TMEM106B: variants seen among roughly 807,000 people sequenced by gnomAD.
The protein encoded by TMEM106B is transmembrane protein 106B.
In TMEM106B, 15 loss-of-function variants were observed where a neutral mutation model predicts 31.1. That is an observed-to-expected ratio of 0.48 (90% CI 0.32 to 0.74). TMEM106B has a LOEUF of 0.74. Among genes scored for constraint, TMEM106B ranks in the 30% least tolerant of loss-of-function variants. The pLI is 0.03. For missense variants in TMEM106B, 283 were observed against 327.3 expected (o/e 0.86, Z 1.04); for synonymous variants, 126 against 112.5 (o/e 1.12, Z -0.76).
At chr7:12,219,766 G>A (rs1042213403) in intron 3 of TMEM106B, among the ~76,000 whole-genome samples, 10 of 152,074 alleles carry the variant, frequency 6.6e-5, no homozygotes, top group African/African-American at 1.2e-4. Context: ...GAACATAAAC[G>A]GGAGGAATGA....
Position 12,231,859 on chromosome 7 carries a change from T to A in TMEM106B, c.709T>A (p.Phe237Ile), listed in dbSNP as rs1243702180. 1.2e-6 allele frequency: 2 copies of A among 1,602,828 alleles called. No individual in the cohort carries two copies. The highest frequency in any genetic ancestry group is 2.2e-5 in the South Asian group (2 of 89,586). The change falls in exon 8 of 8, where the codon TTT (phenylalanine) becomes ATT (isoleucine). Residue 237 changes from phenylalanine to isoleucine, a missense_variant. Physicochemically the swap from Phe to Ile is conservative, Grantham distance 21 (BLOSUM62 0). This residue lies in a region of TMEM106B where 201 missense variants were observed against 211.5 expected (regional missense o/e 0.95). Coordinates refer to ENST00000396668, the MANE Select transcript of TMEM106B (RefSeq NM_001134232.2). ...MMQVTVTTTY[F>I]GHSEQISQER... The stretch of plus-strand genomic sequence containing the variant: ...TAGAGTTACTGTGACAACAACATAC[T>A]TTGGCCACTCTGAACAGATATCCCA...
intron 3 of TMEM106B, among the ~76,000 whole-genome samples, chr7:12,223,193 T>C (rs1018031029): frequency 1.3e-5 from 2 of 152,108 alleles, no homozygotes; most frequent in African/African-American, 4.8e-5. Flanking sequence ...TTTTCTTGAT[T>C]AGAAAAAGAA....
At chr7:12,219,727 A>C (rs1040195014) in intron 3 of TMEM106B, among the ~76,000 whole-genome samples, 1 of 152,176 alleles carries the variant, frequency 6.6e-6, no homozygotes, top group Admixed American at 6.5e-5. Flanking sequence ...CACAAGTACA[A>C]ATACATTGGA....
chr7:12,228,055 A>G (rs1781937543), intron 4 of TMEM106B, among the ~76,000 whole-genome samples: 1 of 151,904 alleles, frequency 6.6e-6, no homozygotes. Context: ...TCTCTTTCCT[A>G]TCATGTCTAG....
chr7:12,226,141 A>T (rs1562707321), intron 4 of TMEM106B, among the ~76,000 whole-genome samples: 1 of 151,878 alleles, frequency 6.6e-6, no homozygotes, highest in Non-Finnish European at 1.5e-5. Context: ...TCCTTTCCCC[A>T]TTCTTGTTTT....
rs1169765784 is a variant in TMEM106B at position 12,242,379 on chromosome 7, C to CAAAAAAAAAAAAAAA, written c.*10418_*10432dup. On this transcript the variant is annotated 3_prime_UTR_variant, in exon 8 of 8. Transcript: ENST00000396668. ...TGGGCGACAGAGCGAGACTCCGTCTCAAAAAAAAAAAAAAAAAAAAAAAAA... is the reference window on the plus strand; with the variant it reads ...TGGGCGACAGAGCGAGACTCCGTCTCAAAAAAAAAAAAAAAAAAAAAAAAAAAAAAAAAAAAAAAA... The CAAAAAAAAAAAAAAA allele has an allele frequency of 2.6e-4, 3 of 11,658 alleles. No individual in the cohort carries two copies. Among genetic ancestry groups the CAAAAAAAAAAAAAAA allele is most frequent in the African/African-American group, 9.0e-4 (1 of 1,116 alleles). The allele number at this position is 11,658 out of a possible 1,614,324, so 0.7% of individuals were successfully genotyped here. A position where few individuals can be genotyped will look rare whatever the true frequency, so the allele number is the denominator to read the frequency against.
At chr7:12,213,477 A>G (rs1385047388) in intron 1 of TMEM106B, among the ~76,000 whole-genome samples, 1 of 152,212 alleles carries the variant, frequency 6.6e-6, no homozygotes, top group African/African-American at 2.4e-5. Context: ...TCAAATACCT[A>G]GTTATCGTCT....
intron 4 of TMEM106B, among the ~76,000 whole-genome samples, chr7:12,224,839 T>C (rs1444598724): frequency 3.3e-5 from 5 of 152,236 alleles, no homozygotes; most frequent in African/African-American, 1.2e-4. Context: ...CTGGTTTCTC[T>C]TTTGTAAATT....
intron 2 of TMEM106B, chr7:12,215,539 A>G (rs772444523): frequency 1.7e-5 from 4 of 234,730 alleles, no homozygotes; most frequent in South Asian, 5.7e-5. Context: ...GCCCAGCCAG[A>G]GTTAATGTGT....
In TMEM106B at chr7:12,242,718, T is replaced by C. The variant is rs1031649267; in HGVS notation, c.*10743T>C. 1 of 152,170 alleles carries C rather than the reference T, an allele frequency of 6.6e-6. No homozygotes were observed. 9.4% of individuals were successfully genotyped at this position (152,170 alleles called of 1,614,324 possible). On this transcript the variant is annotated 3_prime_UTR_variant, in exon 8 of 8. Transcript: ENST00000396668. ...TCACACATACTTTCAAAACATAACC[T>C]TCTTCAACGAGTATCTTCTTTTCCT...
rs568962003 is a variant in TMEM106B, at chr7:12,213,296, A to G, written c.-2-1513A>G. Among the ~76,000 whole-genome samples, 115 of 152,278 alleles carry G rather than the reference A, an allele frequency of 7.6e-4. 1 individual carries two copies. Among genetic ancestry groups the G allele is most frequent in the African/African-American group, 2.8e-3 (115 of 41,560 alleles). ...TTTTAACTGTCAACTGTTGAATGAA[A>G]AAAAAACTGTGATTTTGGAATTTTG... On this transcript the variant is annotated intron_variant, in intron 1 of 7. Transcript: ENST00000396668.
At chr7:12,223,855 G>A (rs911145860) in intron 3 of TMEM106B, among the ~76,000 whole-genome samples, 6 of 151,738 alleles carry the variant, frequency 4.0e-5, no homozygotes, top group African/African-American at 1.5e-4. Context: ...TGAGTAGCTG[G>A]GATTACAGGC....
At chr7:12,214,038 T>C (rs987824252) in intron 1 of TMEM106B, among the ~76,000 whole-genome samples, 4 of 152,116 alleles carry the variant, frequency 2.6e-5, no homozygotes, top group African/African-American at 7.2e-5. Context: ...CAATAAGATA[T>C]CAAATCCCAA....
chr7:12,230,600 A>G (rs1175862732), intron 6 of TMEM106B, 162 bp downstream of exon 6: 2 of 513,656 alleles, frequency 3.9e-6, no homozygotes, highest in Non-Finnish European at 6.7e-6. Context: ...TTCAACATAT[A>G]TAATATTCAT....
intron 3 of TMEM106B, among the ~76,000 whole-genome samples, chr7:12,219,581 G>A (rs1781748894): frequency 6.6e-6 from 1 of 152,108 alleles, no homozygotes; most frequent in Non-Finnish European, 1.5e-5. Flanking sequence ...TACTATAAAA[G>A]CTATAACAGG....
chr7:12,225,618 C>T (rs1781885398), intron 4 of TMEM106B, among the ~76,000 whole-genome samples: 1 of 152,084 alleles, frequency 6.6e-6, no homozygotes, highest in African/African-American at 2.4e-5. Context: ...TTCTGATGGC[C>T]AGTGATGATG....
Position 12,224,366 on chromosome 7 carries a change from C to G in TMEM106B, c.422C>G (p.Thr141Arg). The part of the protein sequence containing the change: ...AYVSYDVQKR[T>R]IYLNITNTLN... ...GTCAGTTATGATGTTCAGAAGCGTA[C>G]AATTTATTTAAATATCACAGTGAGT... is the stretch of plus-strand genomic sequence containing the variant. The change falls in exon 4 of 8, where the codon ACA becomes AGA. Residue 141 changes from threonine (T) to arginine (R), a missense_variant. Physicochemically the swap from Thr to Arg is moderately conservative, Grantham distance 71. Transcript: ENST00000396668. 4 of 1,609,266 alleles carry G rather than the reference C, an allele frequency of 2.5e-6. No homozygotes were observed. The highest frequency in any genetic ancestry group is 3.4e-6 in the Non-Finnish European group (4 of 1,176,314).
chr7:12,214,936 T>C lies in TMEM106B; in HGVS notation c.126T>C (p.Asn42=), dbSNP rs190201777. The C allele has an allele frequency of 2.5e-6, 4 of 1,614,058 alleles. No homozygotes were observed. The Admixed American group carries it at 6.7e-5, about 27-fold the overall frequency. Residue 42 remains asparagine, a synonymous_variant, in exon 2 of 8, where the codon AAT becomes AAC. Coordinates refer to ENST00000396668, the MANE Select transcript of TMEM106B (RefSeq NM_001134232.2). ...AAGTCCATAATGAAGATGGAAGAAATGGAGATGTCTCTCAGTTTCCATATG... is the reference window on the plus strand; with the variant it reads ...AAGTCCATAATGAAGATGGAAGAAACGGAGATGTCTCTCAGTTTCCATATG... ...NSEVHNEDGR[N]GDVSQFPYVE...
chr7:12,237,401 C>A lies in TMEM106B; in HGVS notation c.*5426C>A, dbSNP rs1410157811. ...AGCATTATCTTTGATTTCTTTTTTT[C>A]ATTCACTTAACTTCCAATCAGTACT... On this transcript the variant is annotated 3_prime_UTR_variant, in exon 8 of 8. Transcript: ENST00000396668. 6.6e-6 allele frequency: 1 copy of A among 151,860 alleles called. No individual in the cohort carries two copies. Among genetic ancestry groups the A allele is most frequent in the East Asian group, 1.9e-4 (1 of 5,184 alleles). 9.4% of individuals were successfully genotyped at this position (151,860 alleles called of 1,614,324 possible).
Sources: gnomAD v4.1 joint callset for allele counts (sites outside exome capture counted in the v4.1 genomes callset) on GRCh38, gnomAD v4.1.1 for gene constraint, gnomAD v4.1.1 regional missense constraint, MANE v1.5 for transcripts, NCBI Gene and HGNC (gene_info 2026-07-23, HGNC 2026-07-21) for gene names.